The following CAVIN1 variants were observed in gnomAD, a reference collection of about 807,000 sequenced individuals.
CAVIN1 encodes caveolae associated protein 1.
CAVIN1 carries 16 observed loss-of-function variants against 24.0 expected under a neutral mutation model. That is an observed-to-expected ratio of 0.67 (90% CI 0.45 to 1.01). The LOEUF is 1.01. Ranked by LOEUF, CAVIN1 falls within the 50% of genes least tolerant of loss-of-function variation. The pLI is 0.00. For missense variants in CAVIN1, 510 were observed against 551.7 expected (o/e 0.92, Z 0.76); for synonymous variants, 256 against 256.4 (o/e 1.00, Z 0.02).
intron 1 of CAVIN1, among the ~76,000 whole-genome samples, chr17:42,406,415 C>T (rs1443095710): frequency 6.7e-6 from 1 of 150,048 alleles, no homozygotes; most frequent in Non-Finnish European, 1.5e-5. Context: ...CGCTTTGTCG[C>T]CCAGGCTGCA....
rs760075971 is a variant in CAVIN1, at chr17:42,422,801, C to T, written c.297G>A (p.Ala99=). The change falls in exon 1 of 2, where the codon GCG becomes GCA. Residue 99 remains alanine (A), a synonymous_variant. Transcript: ENST00000357037. ...TCACCGTATTGCTCGTGGTGGCGTG[C>T]GCCTTGCCCAGCTTGCTCAGCTCGC... The part of the protein sequence containing the change: ...IQGELSKLGK[A]HATTSNTVSK... 6.2e-7 allele frequency: 1 copy of T among 1,613,668 alleles called. No homozygotes were observed. Among genetic ancestry groups the T allele is most frequent in the Admixed American group, 1.7e-5 (1 of 59,980 alleles).
intron 1 of CAVIN1, among the ~76,000 whole-genome samples, chr17:42,415,015 A>G: frequency 6.8e-6 from 1 of 147,370 alleles, no homozygotes; most frequent in Non-Finnish European, 1.5e-5. Context: ...AGGTGACCAC[A>G]CATTGCCTCT....
intron 1 of CAVIN1, among the ~76,000 whole-genome samples, chr17:42,410,239 C>A (rs553417615): frequency 6.6e-6 from 1 of 152,266 alleles, no homozygotes; most frequent in South Asian, 2.1e-4. Flanking sequence ...CCAACCACTG[C>A]CTGGGAATGG....
At position 42,422,983 on chromosome 17, in the gene CAVIN1, C is replaced by T. The variant is rs754886488; in HGVS notation, c.115G>A (p.Gly39Ser). The T allele has an allele frequency of 6.2e-7, 1 of 1,613,450 alleles. No homozygotes were observed. Among genetic ancestry groups the T allele is most frequent in the African/African-American group, 1.3e-5 (1 of 74,922 alleles). ...TCCGACTTGATCAGCTCTTCTGAGCCGGCCCCCGACGGCTCCTCCGCTGCC... is the reference window on the plus strand; with the variant it reads ...TCCGACTTGATCAGCTCTTCTGAGCTGGCCCCCGACGGCTCCTCCGCTGCC... ...AQAAEEPSGA[G>S]SEELIKSDQV... The change falls in exon 1 of 2, where the codon GGC (glycine) becomes AGC (serine). Residue 39 changes from glycine to serine, a missense_variant. Coordinates refer to ENST00000357037, the MANE Select transcript of CAVIN1 (RefSeq NM_012232.6).
At chr17:42,420,350 C>A (rs1038058467) in intron 1 of CAVIN1, among the ~76,000 whole-genome samples, 1 of 152,234 alleles carries the variant, frequency 6.6e-6, no homozygotes, top group Non-Finnish European at 1.5e-5. Context: ...CTGGGAGGAG[C>A]AGGAGCAGCC....
At position 42,402,541 on chromosome 17, in the gene CAVIN1, C is replaced by T. The variant is rs917362341; in HGVS notation, c.*2146G>A. ...AAGCCCACAGAAAACTGCATCTGCC[C>T]ACAGCTCAGGCCCCTTCAGGCCATC... On this transcript the variant is annotated 3_prime_UTR_variant, in exon 2 of 2. Coordinates refer to ENST00000357037, the MANE Select transcript of CAVIN1 (RefSeq NM_012232.6). 1 of 152,252 alleles carries T rather than the reference C, an allele frequency of 6.6e-6. No individual in the cohort carries two copies. Among genetic ancestry groups the T allele is most frequent in the African/African-American group, 2.4e-5 (1 of 41,396 alleles). 9.4% of individuals were successfully genotyped at this position (152,252 alleles called of 1,614,324 possible). A position where few individuals can be genotyped will look rare whatever the true frequency, so the allele number is the denominator to read the frequency against.
chr17:42,411,593 G>T, intron 1 of CAVIN1: 1 of 985,340 alleles, frequency 1.0e-6, no homozygotes, highest in South Asian at 4.7e-5. Context: ...GAGAAAATAC[G>T]TGTAAATGTT....
chr17:42,409,761 G>A (rs1447109045), intron 1 of CAVIN1, among the ~76,000 whole-genome samples: 2 of 152,046 alleles, frequency 1.3e-5, no homozygotes, highest in African/African-American at 4.8e-5. Context: ...ACACAGGCCA[G>A]GCACCCTTGT....
rs2085438166 is a variant in CAVIN1 at position 42,405,412 on chromosome 17, T to C, written c.472-24A>G. 17 of 1,600,534 alleles carry C rather than the reference T, an allele frequency of 1.1e-5. No homozygotes were observed. The East Asian group carries it at 3.8e-4, about 36-fold the overall frequency. On this transcript the variant is annotated intron_variant, in intron 1 of 1. Transcript: ENST00000357037. ...TCCTAAGGGAAGAGGAGAAGGGACA[T>C]GAGAGGCGTCGGAGGAGGCGGATGT...
In CAVIN1 at chr17:42,422,764, C is replaced by T. The variant is rs780935995; in HGVS notation, c.334G>A (p.Glu112Lys). The T allele has an allele frequency of 6.2e-7, 1 of 1,613,098 alleles. No individual in the cohort carries two copies. The highest frequency in any genetic ancestry group is 1.6e-4 in the Middle Eastern group (1 of 6,082). ...TTGACGCTGACCTTGCGCACCTTCT[C>T]CAGCAGCTTGCTCACCGTATTGCTC... is the stretch of plus-strand genomic sequence containing the variant. ...TTSNTVSKLL[E>K]KVRKVSVNVK... The change falls in exon 1 of 2, where the codon GAG becomes AAG. Residue 112 changes from glutamate to lysine, a missense_variant. By Grantham distance (56) the Glu-to-Lys change is moderately conservative (BLOSUM62 1). Coordinates refer to ENST00000357037, the MANE Select transcript of CAVIN1 (RefSeq NM_012232.6).
intron 1 of CAVIN1, among the ~76,000 whole-genome samples, chr17:42,410,985 G>A (rs1318851756): frequency 1.4e-5 from 2 of 145,042 alleles, no homozygotes; most frequent in Non-Finnish European, 1.5e-5. Flanking sequence ...TTTGGGAGGC[G>A]GGGCAGATCA....
rs1457408109 is a variant in CAVIN1, at chr17:42,405,274, C to T, written c.586G>A (p.Ala196Thr). The change falls in exon 2 of 2, where the codon GCA becomes ACA. Residue 196 changes from alanine (A) to threonine (T), a missense_variant. Transcript: ENST00000357037. ...LGEGERPEEDAAALELSSDEA... is the reference protein window; with the variant it reads ...LGEGERPEEDTAALELSSDEA... ...TCCGACGAAAGCTCCAGCGCCGCTGCGTCCTCCTCGGGCCGCTCGCCCTCG... is the reference window on the plus strand; with the variant it reads ...TCCGACGAAAGCTCCAGCGCCGCTGTGTCCTCCTCGGGCCGCTCGCCCTCG... 6.2e-7 allele frequency: 1 copy of T among 1,613,008 alleles called. No homozygotes were observed. The highest frequency in any genetic ancestry group is 1.3e-5 in the African/African-American group (1 of 74,930).
Position 42,407,412 on chromosome 17 carries a change from G to C in CAVIN1, c.472-2024C>G, listed in dbSNP as rs2085452157. Among the ~76,000 whole-genome samples the C allele has an allele frequency of 2.6e-5, 4 of 151,832 alleles. No individual in the cohort carries two copies. In the South Asian group the frequency reaches 8.3e-4, roughly 32 times the overall value. On this transcript the variant is annotated intron_variant, in intron 1 of 1. Coordinates refer to ENST00000357037, the MANE Select transcript of CAVIN1 (RefSeq NM_012232.6). ...CACACACACACACCCCTATACATAG[G>C]CTGCTCGGTATCTCTGCACCACCTG...
intron 1 of CAVIN1, among the ~76,000 whole-genome samples, chr17:42,408,491 A>AC (rs1409345812): frequency 2.5e-5 from 1 of 39,854 alleles, no homozygotes; most frequent in East Asian, 8.2e-3. Context: ...TTTGTTTTTT[A>AC]GTTTTTTTGT....
At chr17:42,405,675 T>TCG (rs2085440656) in intron 1 of CAVIN1, among the ~76,000 whole-genome samples, 1 of 142,264 alleles carries the variant, frequency 7.0e-6, no homozygotes, top group Admixed American at 7.0e-5. Flanking sequence ...TCTCTCTCTC[T>TCG]CTCCTTGTTT....
chr17:42,419,882 CGTGT>C (rs5820458), intron 1 of CAVIN1, among the ~76,000 whole-genome samples: 8,128 of 143,654 alleles, frequency 0.057, 272 homozygotes, highest in Admixed American at 0.083. Context: ...TGCTGAATTT[CGTGT>C]GTGTGTGTGT....
chr17:42,407,206 G>A (rs2085451266), intron 1 of CAVIN1, among the ~76,000 whole-genome samples: 1 of 151,952 alleles, frequency 6.6e-6, no homozygotes, highest in South Asian at 2.1e-4. Flanking sequence ...AAAGGGAAAG[G>A]GCAGACCAAG....
intron 1 of CAVIN1, among the ~76,000 whole-genome samples, chr17:42,408,492 G>GT (rs11422354): frequency 0.85 from 128,367 of 151,884 alleles, 55,241 homozygotes; most frequent in East Asian, 0.99. Flanking sequence ...TTGTTTTTTA[G>GT]TTTTTTTGTT....
intron 1 of CAVIN1, among the ~76,000 whole-genome samples, chr17:42,413,566 G>GAAAAAAAAAAAAAAAAAAAAAAAAAA (rs60085741): frequency 3.5e-5 from 2 of 56,964 alleles, no homozygotes; most frequent in Non-Finnish European, 6.1e-5. Context: ...CTCAAAAAGG[G>GAAAAAAAAAAAAAAAAAAAAAAAAAA]AAAAAAAAAA....
Sources: allele counts gnomAD v4.1 joint callset (sites outside exome capture counted in the v4.1 genomes callset), GRCh38; gene constraint gnomAD v4.1.1; transcripts MANE v1.5; gene names NCBI Gene and HGNC (gene_info 2026-07-23, HGNC 2026-07-21).